NFATC2: variants seen among roughly 807,000 people sequenced by gnomAD.
The protein encoded by NFATC2 is nuclear factor of activated T-cells, cytoplasmic 2.
Under a neutral mutation model 87.3 loss-of-function variants are expected in NFATC2, and 22 were observed. That is an observed-to-expected ratio of 0.25 (90% confidence interval 0.18 to 0.36). The LOEUF (loss-of-function observed/expected upper bound fraction) is 0.36. NFATC2 is among the 10% of genes least tolerant of loss of function. NFATC2 has a pLI of 1.00. For missense variants in NFATC2, 1,149 were observed against 1,259.1 expected, an observed-to-expected ratio of 0.91 and a Z score of 1.32; for synonymous variants, 565 against 542.2, an observed-to-expected ratio of 1.04 and a Z score of -0.58.
Position 51,387,131 on chromosome 20 carries a change from A to G in NFATC2, c.*4365T>C, listed in dbSNP as rs1287269856. 2.0e-5 allele frequency: 3 copies of G among 152,260 alleles called. No individual in the cohort carries two copies. The highest frequency in any genetic ancestry group is 4.8e-5 in the African/African-American group (2 of 41,470). 9.4% of individuals were successfully genotyped at this position (152,260 alleles called of 1,614,324 possible). A position where few individuals can be genotyped will look rare whatever the true frequency, so the allele number is the denominator to read the frequency against. ...AGGATTTTCTAAACCTAAGCCTGCC[A>G]GCACCACCATGTTGGAGAGACCTGT... On this transcript the variant is annotated 3_prime_UTR_variant, in exon 11 of 11. Coordinates refer to ENST00000371564, the MANE Select transcript of NFATC2 (RefSeq NM_012340.5).
At chr20:51,420,170 G>C (rs920187028) in intron 9 of NFATC2, among the ~76,000 whole-genome samples, 1 of 152,204 alleles carries the variant, frequency 6.6e-6, no homozygotes. Flanking sequence ...TGTTGATGAA[G>C]GAAAGTTTCT....
chr20:51,482,623 G>A (rs766055162), intron 3 of NFATC2, among the ~76,000 whole-genome samples: 4 of 152,126 alleles, frequency 2.6e-5, no homozygotes, highest in Non-Finnish European at 5.9e-5. Context: ...ATTAAATCAA[G>A]CTAATTAACA....
intron 3 of NFATC2, among the ~76,000 whole-genome samples, chr20:51,500,687 CCCACCTCCACA>C (rs2146623978): frequency 1.3e-5 from 1 of 75,694 alleles, no homozygotes; most frequent in Non-Finnish European, 2.6e-5. Flanking sequence ...CCACCCCACT[CCCACCTCCACA>C]CTCACCACCC....
At chr20:51,537,852 T>C (rs2076745467) in intron 1 of NFATC2, among the ~76,000 whole-genome samples, 1 of 152,088 alleles carries the variant, frequency 6.6e-6, no homozygotes, top group Non-Finnish European at 1.5e-5. Flanking sequence ...AAATTAAGAG[T>C]CTTCTTTGCA....
chr20:51,515,165 GGGAAA>G (rs1365546549), intron 3 of NFATC2, among the ~76,000 whole-genome samples: 6 of 152,186 alleles, frequency 3.9e-5, no homozygotes, highest in Admixed American at 3.3e-4. Flanking sequence ...AAGCTGCTGG[GGGAAA>G]CCCTCAACTC....
chr20:51,507,309 A>G (rs2076200612), intron 3 of NFATC2, among the ~76,000 whole-genome samples: 1 of 152,152 alleles, frequency 6.6e-6, no homozygotes, highest in South Asian at 2.1e-4. Context: ...ATGAGCTAAG[A>G]TCATGTCTGT....
chr20:51,547,851 C>A (rs529068084), intron 1 of NFATC2, among the ~76,000 whole-genome samples: 57 of 152,318 alleles, frequency 3.7e-4, no homozygotes, highest in African/African-American at 1.3e-3. Context: ...CCATTTCTCA[C>A]TAACTTCACT....
At position 51,542,419 on chromosome 20, in the gene NFATC2, C is replaced by G; in HGVS notation, c.81G>C (p.Glu27Asp). The change falls in exon 1 of 11, where the codon GAG becomes GAC. Residue 27 changes from glutamate (E) to aspartate (D), a missense_variant. Physicochemically the swap from Glu to Asp is conservative, Grantham distance 45. Transcript: ENST00000371564. ...AGTCGAAGAGGATGGAGAAGTCAAGCTCGTCTTGGGGGCTGCCCCCAGGCT... is the reference window on the plus strand; with the variant it reads ...AGTCGAAGAGGATGGAGAAGTCAAGGTCGTCTTGGGGGCTGCCCCCAGGCT... ...GHEPGGSPQD[E>D]LDFSILFDYE... 1 of 1,604,762 alleles carries G rather than the reference C, an allele frequency of 6.2e-7. No individual in the cohort carries two copies. The highest frequency in any genetic ancestry group is 8.5e-7 in the Non-Finnish European group (1 of 1,175,838).
chr20:51,449,184 C>T (rs1458592448), intron 6 of NFATC2, among the ~76,000 whole-genome samples: 1 of 152,204 alleles, frequency 6.6e-6, no homozygotes, highest in Non-Finnish European at 1.5e-5. Flanking sequence ...TTCCGCCCCG[C>T]CCCGCAGAGC....
At chr20:51,519,175 G>T (rs2076401523) in intron 2 of NFATC2, among the ~76,000 whole-genome samples, 1 of 151,994 alleles carries the variant, frequency 6.6e-6, no homozygotes, top group South Asian at 2.1e-4. Context: ...GTTTTTAAAG[G>T]TTTACAAACT....
chr20:51,518,498 C>T (rs1219247208), intron 2 of NFATC2, among the ~76,000 whole-genome samples: 1 of 152,194 alleles, frequency 6.6e-6, no homozygotes, highest in East Asian at 1.9e-4. Context: ...AAGCAAATCT[C>T]CTCCCCTTCT....
In NFATC2 at chr20:51,465,475, T is replaced by C. The variant is rs116440870; in HGVS notation, c.1708+8505A>G. ...TAGAATAAAATCCGAATCCCCCAGC[T>C]TGGGCTCAGACCTCACCTCCGACCC... On this transcript the variant is annotated intron_variant, in intron 5 of 10. Transcript: ENST00000371564. Among the ~76,000 whole-genome samples, 1,505 of 152,246 alleles carry C rather than the reference T, an allele frequency of 9.9e-3. 33 individuals carry two copies. Among genetic ancestry groups the C allele is most frequent in the African/African-American group, 0.034 (1,403 of 41,530 alleles).
At chr20:51,398,978 G>A (rs555192834) in intron 9 of NFATC2, 5 of 430,972 alleles carry the variant, frequency 1.2e-5, no homozygotes, top group African/African-American at 2.0e-5. Context: ...GTGGGATCAG[G>A]GGAGCGTGTT....
At chr20:51,561,730 A>G (rs2077035156) in intron 1 of NFATC2, among the ~76,000 whole-genome samples, 1 of 152,048 alleles carries the variant, frequency 6.6e-6, no homozygotes. Context: ...TGCAGCCCCC[A>G]ACGCAGTGCT....
chr20:51,427,123 C>T (rs916618041), intron 9 of NFATC2, among the ~76,000 whole-genome samples: 1 of 151,996 alleles, frequency 6.6e-6, no homozygotes, highest in African/African-American at 2.4e-5. Context: ...CACACCCCTG[C>T]CCCCATGTTC....
At chr20:51,424,835 G>T (rs559957172) in intron 9 of NFATC2, among the ~76,000 whole-genome samples, 1 of 150,248 alleles carries the variant, frequency 6.7e-6, no homozygotes, top group African/African-American at 2.5e-5. Context: ...ATTTGCATAT[G>T]CTCGGGATTA....
intron 8 of NFATC2, among the ~76,000 whole-genome samples, chr20:51,433,098 T>C (rs980613231): frequency 6.6e-6 from 1 of 152,176 alleles, no homozygotes; most frequent in African/African-American, 2.4e-5. Flanking sequence ...CCCCTCTTTC[T>C]ATCCCAGCAG....
At chr20:51,473,919 G>C (rs779575265) in intron 5 of NFATC2, 61 bp downstream of exon 5, 65 of 1,563,752 alleles carry the variant, frequency 4.2e-5, no homozygotes, top group Non-Finnish European at 5.4e-5. Flanking sequence ...CACTGCTCCC[G>C]GGGGAAGCCC....
At position 51,442,473 on chromosome 20, in the gene NFATC2, T is replaced by A. The variant is rs528348679; in HGVS notation, c.1850-6712A>T. On this transcript the variant is annotated intron_variant, in intron 6 of 10. Transcript: ENST00000371564. ...ATAAAATAAAATAAAAAGCAGATTT[T>A]AAAAAAATGCTGCAGACCAGTATGT... Among the ~76,000 whole-genome samples, 4 of 152,116 alleles carry A rather than the reference T, an allele frequency of 2.6e-5. No individual in the cohort carries two copies. The East Asian group carries it at 7.7e-4, about 29-fold the overall frequency.
Sources: gnomAD v4.1 joint callset for allele counts (sites outside exome capture counted in the v4.1 genomes callset) on GRCh38, gnomAD v4.1.1 for gene constraint, MANE v1.5 for transcripts, NCBI Gene and HGNC (gene_info 2026-07-23, HGNC 2026-07-21) for gene names.